Variants in AEBP2 observed in about 807,000 individuals in gnomAD.
AEBP2 encodes the protein AE binding protein 2, also known as zinc finger protein AEBP2.
A neutral mutation model predicts 50.8 loss-of-function variants in AEBP2; 10 were observed. The ratio of observed to expected loss-of-function variants is 0.20; its 90% confidence interval spans 0.12 to 0.33. AEBP2 has a LOEUF of 0.33. Ranked by LOEUF, AEBP2 falls within the 10% of genes least tolerant of loss-of-function variation. The pLI is 1.00. For synonymous variants in AEBP2, 296 were observed against 261.3 expected (o/e 1.13, Z -1.28); for missense variants, 570 against 688.0 (o/e 0.83, Z 1.92).
chr12:19,501,279 C>T (rs9739653), intron 5 of AEBP2, among the ~76,000 whole-genome samples: 26,433 of 147,466 alleles, frequency 0.18, 4,318 homozygotes, highest in African/African-American at 0.43. Flanking sequence ...TGCTGTGAGC[C>T]GAGATCGCAC....
chr12:19,473,843 T>G (rs1274174044), intron 3 of AEBP2, among the ~76,000 whole-genome samples: 1 of 152,234 alleles, frequency 6.6e-6, no homozygotes, highest in Non-Finnish European at 1.5e-5. Context: ...TAGATGGAGA[T>G]AAAGCTCATT....
At chr12:19,500,475 C>T (rs1565733203) in intron 5 of AEBP2, among the ~76,000 whole-genome samples, 1 of 152,076 alleles carries the variant, frequency 6.6e-6, no homozygotes, top group Admixed American at 6.5e-5. Context: ...GATGACACAC[C>T]ATACAGTGTT....
chr12:19,516,391 T>TA (rs1489637729), intron 7 of AEBP2, among the ~76,000 whole-genome samples: 1 of 152,104 alleles, frequency 6.6e-6, no homozygotes, highest in Admixed American at 6.5e-5. Flanking sequence ...AAACCTCTCT[T>TA]AGAGAGTTGT....
chr12:19,484,472 T>C (rs1948777704), intron 3 of AEBP2, among the ~76,000 whole-genome samples: 1 of 151,816 alleles, frequency 6.6e-6, no homozygotes, highest in Non-Finnish European at 1.5e-5. Flanking sequence ...CTTCCCATGT[T>C]CAAGTGATTC....
At position 19,475,541 on chromosome 12, in the gene AEBP2, A is replaced by G. The variant is rs150440450; in HGVS notation, c.987+2186A>G. Among the ~76,000 whole-genome samples, 1,312 of 152,248 alleles carry G rather than the reference A, an allele frequency of 8.6e-3. 20 individuals carry two copies. The highest frequency in any genetic ancestry group is 0.03 in the African/African-American group (1,259 of 41,538). ...ACTTGTGTGTGCAAGTGTCTTTTTC[A>G]TATAATGACTTTTCCCAGTAGTCAT... On this transcript the variant is annotated intron_variant, in intron 3 of 7. Transcript: ENST00000266508.
intron 2 of AEBP2, among the ~76,000 whole-genome samples, chr12:19,472,290 C>T (rs907525307): frequency 2.6e-5 from 4 of 152,154 alleles, no homozygotes; most frequent in Non-Finnish European, 5.9e-5. Flanking sequence ...TGTTCTTAAC[C>T]TTAGAAAAGA....
In AEBP2 at chr12:19,520,231, T is replaced by C. The variant is rs1410476936; in HGVS notation, c.*2114T>C. 3 of 152,258 alleles carry C rather than the reference T, an allele frequency of 2.0e-5. No individual in the cohort carries two copies. The highest frequency in any genetic ancestry group is 4.4e-5 in the Non-Finnish European group (3 of 68,012). The allele number at this position is 152,258 out of a possible 1,614,324, so 9.4% of individuals were successfully genotyped here. A position where few individuals can be genotyped will look rare whatever the true frequency, so the allele number is the denominator to read the frequency against. On this transcript the variant is annotated 3_prime_UTR_variant, in exon 8 of 8. Coordinates refer to ENST00000266508, the MANE Select transcript of AEBP2 (RefSeq NM_153207.5). ...TAAAACAAAGCAAATCACATTTAGC[T>C]TCAAATTGTAACAATTCAATTGAAT...
intron 5 of AEBP2, among the ~76,000 whole-genome samples, chr12:19,505,439 C>A (rs1949142408): frequency 6.6e-6 from 1 of 152,184 alleles, no homozygotes; most frequent in Non-Finnish European, 1.5e-5. Context: ...CAAAAAATAC[C>A]ATGCAGCTAC....
intron 1 of AEBP2, chr12:19,456,586 G>C (rs1948273479): frequency 1.3e-6 from 2 of 1,538,908 alleles, no homozygotes; most frequent in Non-Finnish European, 1.8e-6. Flanking sequence ...ATTTGGCCTG[G>C]AAGGTTCAGG....
chr12:19,498,095 T>G (rs1949014227), intron 4 of AEBP2, among the ~76,000 whole-genome samples: 1 of 152,196 alleles, frequency 6.6e-6, no homozygotes, highest in African/African-American at 2.4e-5. Context: ...TATTGTGAAT[T>G]TAAGTGATGG....
chr12:19,477,474 G>C (rs1948665858), intron 3 of AEBP2, among the ~76,000 whole-genome samples: 1 of 152,102 alleles, frequency 6.6e-6, no homozygotes, highest in Non-Finnish European at 1.5e-5. Context: ...TTCTGTGCCA[G>C]TTTTGTTGAG....
At chr12:19,410,884 G>A in intron 1 of AEBP2, among the ~76,000 whole-genome samples, 1 of 152,140 alleles carries the variant, frequency 6.6e-6, no homozygotes, top group East Asian at 1.9e-4. Context: ...GTAAATAGCT[G>A]TGTTTGAGGA....
chr12:19,418,427 C>T (rs2095743809), intron 1 of AEBP2, among the ~76,000 whole-genome samples: 1 of 129,254 alleles, frequency 7.7e-6, no homozygotes, highest in Non-Finnish European at 1.6e-5. Context: ...TATGAGGTCT[C>T]ACCATATTGC....
intron 7 of AEBP2, among the ~76,000 whole-genome samples, chr12:19,516,621 C>CA (rs936392831): frequency 1.3e-5 from 2 of 152,140 alleles, no homozygotes; most frequent in African/African-American, 2.4e-5. Context: ...TGCATATACT[C>CA]AAATTTATGT....
chr12:19,519,818 A>G lies in AEBP2; in HGVS notation c.*1701A>G, dbSNP rs192516847. 15 of 152,594 alleles carry G rather than the reference A, an allele frequency of 9.8e-5. No homozygotes were observed. The highest frequency in any genetic ancestry group is 3.6e-4 in the African/African-American group (15 of 41,594). 9.5% of individuals were successfully genotyped at this position (152,594 alleles called of 1,614,324 possible). A position where few individuals can be genotyped will look rare whatever the true frequency, so the allele number is the denominator to read the frequency against. On this transcript the variant is annotated 3_prime_UTR_variant, in exon 8 of 8. Transcript: ENST00000266508. Reference sequence around the variant, plus strand: ...TCGTTAACAATGGGGGTAAAGAGCTATATACATGAAAATGAGTCTTATAAA... The same window carrying G: ...TCGTTAACAATGGGGGTAAAGAGCTGTATACATGAAAATGAGTCTTATAAA...
chr12:19,427,377 CA>C (rs58310486), intron 1 of AEBP2, among the ~76,000 whole-genome samples: 27,086 of 70,044 alleles, frequency 0.39, 2,686 homozygotes, highest in African/African-American at 0.52. Context: ...GAGTCTGTCT[CA>C]AAAAAAAAAA....
intron 1 of AEBP2, chr12:19,456,399 A>G (rs1948270471): frequency 3.6e-6 from 5 of 1,378,938 alleles, no homozygotes; most frequent in Non-Finnish European, 5.1e-6. Context: ...GAAGCACTCA[A>G]CACACACGGG....
At chr12:19,442,636 C>T (rs1335448638) in intron 1 of AEBP2, among the ~76,000 whole-genome samples, 2 of 152,128 alleles carry the variant, frequency 1.3e-5, no homozygotes, top group Admixed American at 6.5e-5. Flanking sequence ...ACTTGATAAC[C>T]AAGCAAACTT....
In AEBP2 at chr12:19,440,251, C is replaced by T. The variant is rs747676646; in HGVS notation, c.552C>T (p.Gly184=). 6.1e-6 allele frequency: 9 copies of T among 1,466,956 alleles called. No individual in the cohort carries two copies. The African/African-American group carries it at 7.4e-5, about 12-fold the overall frequency. 90.9% of individuals were successfully genotyped at this position (1,466,956 alleles called of 1,614,324 possible). The stretch of plus-strand genomic sequence containing the variant: ...GTAGCAGCAGCGTAGTCTCCAGCGG[C>T]GGCGACGAGGGCTACGGGACTGGGG... ...GSSSSSVVSS[G]GDEGYGTGGG... Residue 184 remains glycine, a synonymous_variant, in exon 1 of 8, where the codon GGC becomes GGT. Coordinates refer to ENST00000266508, the MANE Select transcript of AEBP2 (RefSeq NM_153207.5).
Sources: gnomAD v4.1 joint callset for allele counts (sites outside exome capture counted in the v4.1 genomes callset) on GRCh38, gnomAD v4.1.1 for gene constraint, MANE v1.5 for transcripts, NCBI Gene and HGNC (gene_info 2026-07-23, HGNC 2026-07-21) for gene names.